ZNF559: variants seen among roughly 807,000 people sequenced by gnomAD.
ZNF559 encodes the protein putative protein product of Nbla00121.
Under a neutral mutation model 14.2 loss-of-function variants are expected in ZNF559, and 17 were observed. The observed-to-expected ratio is 1.20, with a 90% confidence interval of 0.82 to 1.80. ZNF559 has a LOEUF of 1.80. Ranked by LOEUF, ZNF559 falls within the 40% of genes most tolerant of loss-of-function variation. ZNF559 has a pLI of 0.00. For synonymous variants in ZNF559, 244 were observed against 212.4 expected, an observed-to-expected ratio of 1.15 and a Z score of -1.29; for missense variants, 740 against 629.7, an observed-to-expected ratio of 1.18 and a Z score of -1.88.
At position 9,328,764 on chromosome 19, in the gene ZNF559, C is replaced by T. The variant is rs148136262; in HGVS notation, c.-120+3984C>T. Among the ~76,000 whole-genome samples, 119 of 152,198 alleles carry T rather than the reference C, an allele frequency of 7.8e-4. 2 individuals carry two copies. The East Asian group carries it at 0.014, about 19-fold the overall frequency. ...TATCTGGGTGCAAACAACACGGTGT[C>T]GCATTTCCTTGGAAAACAGTAAATT... On this transcript the variant is annotated intron_variant, in intron 2 of 6. Coordinates refer to ENST00000603380, the MANE Select transcript of ZNF559 (RefSeq NM_032497.3).
chr19:9,324,673 C>T lies in ZNF559; in HGVS notation c.-205-22C>T, dbSNP rs1422252409. On this transcript the variant is annotated intron_variant, in intron 1 of 6. Coordinates refer to ENST00000603380, the MANE Select transcript of ZNF559 (RefSeq NM_032497.3). ...AAAAAAAAAAAGTCTCCACATCCAG[C>T]GTTGTGCCTTTTCTCTATAAGGAAC... 13 of 1,447,590 alleles carry T rather than the reference C, an allele frequency of 9.0e-6. No individual in the cohort carries two copies. In the East Asian group the frequency reaches 2.1e-4, roughly 23 times the overall value. The allele number at this position is 1,447,590 out of a possible 1,614,324, so 89.7% of individuals were successfully genotyped here.
intron 3 of ZNF559, 120 bp downstream of exon 3, chr19:9,337,978 TAG>T (rs1202280579): frequency 6.5e-7 from 1 of 1,536,122 alleles, no homozygotes; most frequent in Admixed American, 2.0e-5. Flanking sequence ...ATTTCACTGT[TAG>T]ACTCACAGGA....
In ZNF559 at chr19:9,329,991, G is replaced by C. The variant is rs116850833; in HGVS notation, c.-120+5211G>C. Reference sequence around the variant, plus strand: ...TGTTTTAACCATATTCAGCCATTCTGTGTCTTTTCATTGGGGAATTTAATC... The same window carrying C: ...TGTTTTAACCATATTCAGCCATTCTCTGTCTTTTCATTGGGGAATTTAATC... On this transcript the variant is annotated intron_variant, in intron 2 of 6. Transcript: ENST00000603380. The C allele has an allele frequency of 1.9e-4, 29 of 152,254 alleles. No individual in the cohort carries two copies. The East Asian group carries it at 5.0e-3, about 26-fold the overall frequency. The allele number at this position is 152,254 out of a possible 1,614,324, so 9.4% of individuals were successfully genotyped here.
intron 5 of ZNF559, 124 bp downstream of exon 5, chr19:9,339,443 C>T: frequency 1.8e-6 from 2 of 1,115,964 alleles, no homozygotes; most frequent in Non-Finnish European, 2.5e-6. Context: ...TTGTTTCCAT[C>T]TCATAGACCT....
intron 2 of ZNF559, among the ~76,000 whole-genome samples, chr19:9,327,241 G>GTTTTGT (rs1555727451): frequency 1.3e-5 from 2 of 150,282 alleles, no homozygotes; most frequent in African/African-American, 2.5e-5. Flanking sequence ...GTTTTGTTTT[G>GTTTTGT]TTTTTTTTTG....
In ZNF559 at chr19:9,342,947, G is replaced by C; in HGVS notation, c.1496G>C (p.Gly499Ala). ...CGGCCCTTTGAATGTCAGGAATGTGGGAAAGCCTTTACTCGGTCCACATAT... is the reference window on the plus strand; with the variant it reads ...CGGCCCTTTGAATGTCAGGAATGTGCGAAAGCCTTTACTCGGTCCACATAT... ...GERPFECQECGKAFTRSTYLI... is the reference protein window; with the variant it reads ...GERPFECQECAKAFTRSTYLI... The change falls in exon 7 of 7, where the codon GGG becomes GCG. Residue 499 changes from glycine (G) to alanine (A), a missense_variant. Physicochemically the swap from Gly to Ala is moderately conservative, Grantham distance 60 (BLOSUM62 0). Coordinates refer to ENST00000603380, the MANE Select transcript of ZNF559 (RefSeq NM_032497.3). The C allele has an allele frequency of 6.2e-7, 1 of 1,614,228 alleles. No individual in the cohort carries two copies. Among genetic ancestry groups the C allele is most frequent in the Non-Finnish European group, 8.5e-7 (1 of 1,180,048 alleles).
At chr19:9,335,217 G>A (rs1350989761) in intron 2 of ZNF559, among the ~76,000 whole-genome samples, 5 of 151,678 alleles carry the variant, frequency 3.3e-5, no homozygotes, top group Admixed American at 2.0e-4. Context: ...CGGGAGGATC[G>A]CTTGAGCCCA....
intron 2 of ZNF559, among the ~76,000 whole-genome samples, chr19:9,333,441 AC>A (rs766019938): frequency 8.5e-5 from 13 of 152,130 alleles, no homozygotes; most frequent in Non-Finnish European, 1.9e-4. Context: ...AGTGGCTCAC[AC>A]CTGTAATCCC....
At chr19:9,339,934 A>ATTTTTTTTTTTTTTTTT (rs545536064) in intron 5 of ZNF559, among the ~76,000 whole-genome samples, 1 of 86,420 alleles carries the variant, frequency 1.2e-5, no homozygotes, top group Non-Finnish European at 2.1e-5. Flanking sequence ...ACGCCTGGCT[A>ATTTTTTTTTTTTTTTTT]TTTTTTTTTT....
intron 3 of ZNF559, chr19:9,338,129 G>C: frequency 2.2e-6 from 2 of 921,672 alleles, no homozygotes; most frequent in Non-Finnish European, 3.4e-6. Context: ...ATACCTAGAA[G>C]AGGCTAAAGT....
chr19:9,324,341 G>C, intron 1 of ZNF559, 113 bp downstream of exon 1: 20 of 1,521,054 alleles, frequency 1.3e-5, no homozygotes, highest in Non-Finnish European at 1.6e-5. Flanking sequence ...GTGCACTTTC[G>C]GGCATTTCGA....
At chr19:9,340,478 A>G (rs1019682877) in intron 5 of ZNF559, among the ~76,000 whole-genome samples, 4 of 148,972 alleles carry the variant, frequency 2.7e-5, no homozygotes, top group African/African-American at 1.0e-4. Context: ...ATTTCCTTTC[A>G]ACTTTGTTTC....
At chr19:9,333,500 G>C (rs1441666719) in intron 2 of ZNF559, among the ~76,000 whole-genome samples, 1 of 152,120 alleles carries the variant, frequency 6.6e-6, no homozygotes, top group Non-Finnish European at 1.5e-5. Context: ...TCCCACCTGA[G>C]CAACATAGCA....
At chr19:9,338,122 C>A in intron 3 of ZNF559, 1 of 1,009,416 alleles carries the variant, frequency 9.9e-7, no homozygotes, top group Non-Finnish European at 1.5e-6. Flanking sequence ...TTTTGAGATA[C>A]CTAGAAGAGG....
At chr19:9,338,220 C>T (rs1285015061) in intron 3 of ZNF559, among the ~76,000 whole-genome samples, 1 of 152,152 alleles carries the variant, frequency 6.6e-6, no homozygotes, top group Non-Finnish European at 1.5e-5. Context: ...AGAAGTTCTG[C>T]TTAATCACAT....
intron 2 of ZNF559, among the ~76,000 whole-genome samples, chr19:9,327,811 A>G (rs979825294): frequency 6.6e-6 from 1 of 152,180 alleles, no homozygotes; most frequent in Non-Finnish European, 1.5e-5. Flanking sequence ...TTGATGCTCA[A>G]ACTGTCCCAA....
At chr19:9,325,215 C>CT (rs1444948608) in intron 2 of ZNF559, among the ~76,000 whole-genome samples, 1 of 152,052 alleles carries the variant, frequency 6.6e-6, no homozygotes, top group African/African-American at 2.4e-5. Context: ...GAGGCTGAGG[C>CT]TGGAGGATCG....
At chr19:9,336,658 C>T (rs554126168) in intron 2 of ZNF559, among the ~76,000 whole-genome samples, 3 of 152,114 alleles carry the variant, frequency 2.0e-5, no homozygotes, top group South Asian at 4.1e-4. Context: ...ATGTGAGATA[C>T]TTAAGGTCTA....
At chr19:9,334,906 C>G (rs933065189) in intron 2 of ZNF559, among the ~76,000 whole-genome samples, 3 of 151,626 alleles carry the variant, frequency 2.0e-5, no homozygotes, top group African/African-American at 7.3e-5. Flanking sequence ...AGGCTGAGGC[C>G]GGCGGATCAC....
Sources: gnomAD v4.1 joint callset for allele counts (sites outside exome capture counted in the v4.1 genomes callset) on GRCh38, gnomAD v4.1.1 for gene constraint, MANE v1.5 for transcripts, NCBI Gene and HGNC (gene_info 2026-07-23, HGNC 2026-07-21) for gene names.